Variants in THSD7A observed in about 807,000 individuals in gnomAD.
The protein encoded by THSD7A is thrombospondin type-1 domain-containing protein 7A.
Under a neutral mutation model 231.3 loss-of-function variants are expected in THSD7A, and 96 were observed. The ratio of observed to expected loss-of-function variants is 0.41; its 90% CI spans 0.35 to 0.49. The LOEUF is 0.49. THSD7A is among the 20% of genes least tolerant of loss of function. THSD7A has a pLI of 0.05. For synonymous variants in THSD7A, 940 were observed against 743.3 expected (o/e 1.26, Z -4.30); for missense variants, 2,290 against 2,070.2 (o/e 1.11, Z -2.06).
In THSD7A at chr7:11,831,405, G is replaced by C. The variant is rs1334895559; in HGVS notation, c.190+352C>G. Among the ~76,000 whole-genome samples, 1 of 152,150 alleles carries C rather than the reference G, an allele frequency of 6.6e-6. No homozygotes were observed. Among genetic ancestry groups the C allele is most frequent in the Non-Finnish European group, 1.5e-5 (1 of 68,022 alleles). On this transcript the variant is annotated intron_variant, in intron 1 of 27. Transcript: ENST00000423059. The surrounding 1 kb of genome is among the most constrained non-coding windows in gnomAD (Gnocchi z 5.0). ...GCTTTGCCTAAAGAATAAAGACTGA[G>C]ACTAAACTCTTTGCTTGTTCTTTGC...
intron 1 of THSD7A, among the ~76,000 whole-genome samples, chr7:11,782,732 C>T (rs1783672064): frequency 6.6e-6 from 1 of 152,070 alleles, no homozygotes; most frequent in African/African-American, 2.4e-5. Context: ...AGATATTTTG[C>T]TGTGAAATGC....
At chr7:11,483,677 G>C (rs1583827372) in intron 6 of THSD7A, among the ~76,000 whole-genome samples, 2 of 152,018 alleles carry the variant, frequency 1.3e-5, no homozygotes, top group East Asian at 3.9e-4. Context: ...TTAGTGCAAG[G>C]GGTGCTCTCT....
At chr7:11,737,749 G>A (rs1001496793) in intron 1 of THSD7A, among the ~76,000 whole-genome samples, 4 of 151,956 alleles carry the variant, frequency 2.6e-5, no homozygotes, top group Non-Finnish European at 5.9e-5. Context: ...GTTTAAAAAT[G>A]AAAGATATTT....
At chr7:11,517,450 G>T (rs1310686708) in intron 6 of THSD7A, among the ~76,000 whole-genome samples, 1 of 151,030 alleles carries the variant, frequency 6.6e-6, no homozygotes, top group Non-Finnish European at 1.5e-5. Context: ...TTGCCCTCCT[G>T]AAACAGGGAA....
intron 1 of THSD7A, among the ~76,000 whole-genome samples, chr7:11,748,306 GA>G (rs1439317614): frequency 6.6e-6 from 1 of 151,916 alleles, no homozygotes; most frequent in Non-Finnish European, 1.5e-5. Context: ...GGTAACAGGA[GA>G]GTGAGATGAG....
Position 11,407,385 on chromosome 7 carries a change from G to A in THSD7A, c.3837C>T (p.Cys1279=). 1 of 1,613,598 alleles carries A rather than the reference G, an allele frequency of 6.2e-7. No homozygotes were observed. Residue 1279 remains cysteine (C), a synonymous_variant, in exon 20 of 28, where the codon TGC becomes TGT. Transcript: ENST00000423059. Reference sequence around the variant, plus strand: ...GACAGTTCACAGGGCATTCCACCATGCAGGACGTGTTCATCTGCCAGTTCT... The same window carrying A: ...GACAGTTCACAGGGCATTCCACCATACAGGACGTGTTCATCTGCCAGTTCT... ...LEKNWQMNTS[C]MVECPVNCQL...
At chr7:11,597,797 C>T (rs182313071) in intron 2 of THSD7A, among the ~76,000 whole-genome samples, 64 of 152,204 alleles carry the variant, frequency 4.2e-4, no homozygotes, top group Admixed American at 3.8e-3. Context: ...ATCAAATGGA[C>T]GTGGTATAAA....
chr7:11,618,502 T>A (rs188006019), intron 2 of THSD7A, among the ~76,000 whole-genome samples: 99 of 152,134 alleles, frequency 6.5e-4, no homozygotes, highest in African/African-American at 2.2e-3. Context: ...TAATATGATG[T>A]AAGAAGGAGA....
chr7:11,544,626 G>C (rs1789297819), intron 4 of THSD7A, among the ~76,000 whole-genome samples: 1 of 152,172 alleles, frequency 6.6e-6, no homozygotes. Context: ...AAGACAAATT[G>C]TAAGCACTTT....
intron 1 of THSD7A, among the ~76,000 whole-genome samples, chr7:11,804,233 T>C (rs1270346777): frequency 6.6e-6 from 1 of 152,174 alleles, no homozygotes; most frequent in African/African-American, 2.4e-5. Context: ...TAAATGTTTA[T>C]GTATTCCTTC....
chr7:11,770,739 AT>A (rs1268493913), intron 1 of THSD7A, among the ~76,000 whole-genome samples: 1 of 152,188 alleles, frequency 6.6e-6, no homozygotes, highest in Admixed American at 6.5e-5. Context: ...AAAAAAATTA[AT>A]GCTAAAGTAA....
At position 11,374,109 on chromosome 7, in the gene THSD7A, C is replaced by T. The variant is rs545652109; in HGVS notation, c.*1685G>A. On this transcript the variant is annotated 3_prime_UTR_variant, in exon 28 of 28. Transcript: ENST00000423059. ...AAACGAAAGATGACACCATGGAGAG[C>T]TAGCATTAAAAAACATCCAGACCAG... 1.3e-5 allele frequency: 2 copies of T among 152,062 alleles called. No homozygotes were observed. Among genetic ancestry groups the T allele is most frequent in the Non-Finnish European group, 2.9e-5 (2 of 67,992 alleles). The allele number at this position is 152,062 out of a possible 1,614,324, so 9.4% of individuals were successfully genotyped here.
intron 1 of THSD7A, among the ~76,000 whole-genome samples, chr7:11,778,701 A>G (rs1486313179): frequency 6.6e-6 from 1 of 152,200 alleles, no homozygotes; most frequent in Admixed American, 6.5e-5. Flanking sequence ...AAGAAAATAA[A>G]TGAAGACTAT....
At chr7:11,719,051 C>T (rs914012997) in intron 1 of THSD7A, among the ~76,000 whole-genome samples, 2 of 150,900 alleles carry the variant, frequency 1.3e-5, no homozygotes, top group Non-Finnish European at 3.0e-5. Context: ...TAAGCAATAT[C>T]GTGTGTGTGT....
In THSD7A at chr7:11,593,511, G is replaced by C. The variant is rs1466065605; in HGVS notation, c.1023-9C>G. The C allele has an allele frequency of 6.2e-7, 1 of 1,613,204 alleles. No homozygotes were observed. Among genetic ancestry groups the C allele is most frequent in the African/African-American group, 1.3e-5 (1 of 74,908 alleles). On this transcript the variant is annotated splice_polypyrimidine_tract_variant and intron_variant, in intron 2 of 27. Transcript: ENST00000423059. ...TCTCTTGCTGGCAAAAGCTGTAAAA[G>C]AGCATTGATATTCTCATTACAGACT...
intron 1 of THSD7A, among the ~76,000 whole-genome samples, chr7:11,675,659 C>A (rs984030422): frequency 1.3e-5 from 2 of 152,214 alleles, no homozygotes; most frequent in Non-Finnish European, 2.9e-5. Flanking sequence ...GAAGTTCACA[C>A]TGGGCAGAGC....
intron 17 of THSD7A, 146 bp downstream of exon 17, chr7:11,417,304 C>T: frequency 1.4e-6 from 1 of 724,596 alleles, no homozygotes; most frequent in Non-Finnish European, 2.2e-6. Context: ...AATGATGTGG[C>T]AGAGAAGACA....
chr7:11,653,359 A>G (rs1782579821), intron 1 of THSD7A, among the ~76,000 whole-genome samples: 1 of 151,310 alleles, frequency 6.6e-6, no homozygotes, highest in Admixed American at 6.6e-5. Context: ...TTTTGTCCCC[A>G]AGCCAATTTG....
intron 1 of THSD7A, among the ~76,000 whole-genome samples, chr7:11,688,744 C>A (rs764100838): frequency 1.3e-5 from 2 of 151,546 alleles, no homozygotes; most frequent in African/African-American, 4.8e-5. Flanking sequence ...TAGGCAGATC[C>A]GAAATGAGAG....
Sources: allele counts gnomAD v4.1 joint callset (sites outside exome capture counted in the v4.1 genomes callset), GRCh38; gene constraint gnomAD v4.1.1; non-coding constraint Gnocchi (gnomAD v3.1); transcripts MANE v1.5; gene names NCBI Gene and HGNC (gene_info 2026-07-23, HGNC 2026-07-21).